MEOX2: variants seen among roughly 807,000 people sequenced by gnomAD.
MEOX2 encodes homeobox protein MOX-2.
Under a neutral mutation model 27.0 loss-of-function variants are expected in MEOX2, and 11 were observed. The ratio of observed to expected loss-of-function variants is 0.41; its 90% CI spans 0.26 to 0.68. MEOX2 has a LOEUF of 0.68. Among genes scored for constraint, MEOX2 ranks in the 30% least tolerant of loss-of-function variants. The probability of loss-of-function intolerance (pLI) is 0.33; values close to 1 mark genes in which losing one functional copy is unlikely to be tolerated. For synonymous variants in MEOX2, 189 were observed against 155.4 expected (o/e 1.22, Z -1.61); for missense variants, 436 against 385.4 (o/e 1.13, Z -1.10).
intron 1 of MEOX2, among the ~76,000 whole-genome samples, chr7:15,627,839 G>C (rs574316811): frequency 2.5e-5 from 1 of 39,334 alleles, no homozygotes; most frequent in Non-Finnish European, 5.6e-5. Context: ...CAAGTAAAAA[G>C]TAATCATACC....
intron 2 of MEOX2, 34 bp downstream of exon 2, chr7:15,626,712 A>C (rs780675798): frequency 6.5e-7 from 1 of 1,540,618 alleles, no homozygotes; most frequent in Admixed American, 1.7e-5. Context: ...AGGGCAATTA[A>C]AAAAGATCAT....
intron 1 of MEOX2, among the ~76,000 whole-genome samples, chr7:15,650,999 G>T (rs1170624726): frequency 6.6e-6 from 1 of 152,010 alleles, no homozygotes; most frequent in Non-Finnish European, 1.5e-5. Context: ...AGAGCATGCG[G>T]AATGTACTGG....
At chr7:15,645,452 C>T (rs1781626396) in intron 1 of MEOX2, among the ~76,000 whole-genome samples, 1 of 152,152 alleles carries the variant, frequency 6.6e-6, no homozygotes, top group Non-Finnish European at 1.5e-5. Flanking sequence ...AAAGTATAGA[C>T]ATGGGCTCAT....
intron 1 of MEOX2, among the ~76,000 whole-genome samples, chr7:15,660,966 T>C (rs945226441): frequency 2.6e-5 from 3 of 116,860 alleles, no homozygotes; most frequent in African/African-American, 1.0e-4. Context: ...TGAGCCGAGA[T>C]CATGCCATTG....
At chr7:15,659,893 T>A (rs1158497032) in intron 1 of MEOX2, among the ~76,000 whole-genome samples, 2 of 152,118 alleles carry the variant, frequency 1.3e-5, no homozygotes, top group East Asian at 3.8e-4. Context: ...AGTACTTGAG[T>A]AATACTCTGT....
At chr7:15,672,873 C>T (rs902697305) in intron 1 of MEOX2, among the ~76,000 whole-genome samples, 5 of 146,914 alleles carry the variant, frequency 3.4e-5, no homozygotes, top group African/African-American at 1.0e-4. Context: ...GCCTGGGCAA[C>T]AGAGCGAGAT....
chr7:15,652,132 C>T (rs1041432149), intron 1 of MEOX2, among the ~76,000 whole-genome samples: 25 of 151,990 alleles, frequency 1.6e-4, no homozygotes, highest in Admixed American at 1.6e-3. Flanking sequence ...GGCTTCTCAG[C>T]AATTAATTCA....
At chr7:15,651,022 T>C (rs1435075172) in intron 1 of MEOX2, among the ~76,000 whole-genome samples, 1 of 151,946 alleles carries the variant, frequency 6.6e-6, no homozygotes, top group African/African-American at 2.4e-5. Flanking sequence ...ACACTTACTT[T>C]CTGAAAGTGC....
intron 1 of MEOX2, among the ~76,000 whole-genome samples, chr7:15,638,102 A>G (rs915798523): frequency 1.3e-5 from 2 of 152,054 alleles, no homozygotes; most frequent in African/African-American, 4.8e-5. Flanking sequence ...GTGATCTTGA[A>G]CTTAGTAAAA....
chr7:15,644,915 G>A (rs1487264981), intron 1 of MEOX2, among the ~76,000 whole-genome samples: 5 of 152,000 alleles, frequency 3.3e-5, no homozygotes, highest in African/African-American at 7.3e-5. Flanking sequence ...AAAATTTAAC[G>A]GTCAGCTTCC....
At chr7:15,622,833 A>G (rs1468167219) in intron 2 of MEOX2, among the ~76,000 whole-genome samples, 2 of 152,158 alleles carry the variant, frequency 1.3e-5, no homozygotes, top group Admixed American at 1.3e-4. Flanking sequence ...GGCCCTTGGA[A>G]TGAGATTAGG....
At chr7:15,652,192 T>A (rs1314597045) in intron 1 of MEOX2, among the ~76,000 whole-genome samples, 1 of 152,070 alleles carries the variant, frequency 6.6e-6, no homozygotes, top group Non-Finnish European at 1.5e-5. Context: ...GTAACATGCT[T>A]TTACTGTTCA....
chr7:15,654,170 T>C (rs1190228022), intron 1 of MEOX2, among the ~76,000 whole-genome samples: 4 of 151,964 alleles, frequency 2.6e-5, no homozygotes, highest in Non-Finnish European at 5.9e-5. Context: ...CTATTGGAGC[T>C]CGAATTGTGT....
At chr7:15,666,724 C>T (rs1156712423) in intron 1 of MEOX2, among the ~76,000 whole-genome samples, 3 of 117,144 alleles carry the variant, frequency 2.6e-5, no homozygotes, top group Non-Finnish European at 3.2e-5. Context: ...TGCACTCCAG[C>T]GTGGGCAACA....
chr7:15,660,416 C>T (rs527519434), intron 1 of MEOX2, among the ~76,000 whole-genome samples: 1 of 152,194 alleles, frequency 6.6e-6, no homozygotes, highest in South Asian at 2.1e-4. Flanking sequence ...TAAATCCTGT[C>T]CACCCTACTC....
At chr7:15,615,661 G>A (rs146989611) in intron 2 of MEOX2, among the ~76,000 whole-genome samples, 1 of 151,894 alleles carries the variant, frequency 6.6e-6, no homozygotes, top group African/African-American at 2.4e-5. Flanking sequence ...TCCATTTTGT[G>A]TGAATTTGAG....
intron 1 of MEOX2, chr7:15,667,830 G>A (rs1782033685): frequency 6.6e-6 from 1 of 152,096 alleles, no homozygotes; most frequent in African/African-American, 2.4e-5. Flanking sequence ...GAAAATGTGA[G>A]GAAGTATTTA....
chr7:15,647,470 T>C (rs1377061170), intron 1 of MEOX2, among the ~76,000 whole-genome samples: 1 of 152,122 alleles, frequency 6.6e-6, no homozygotes, highest in African/African-American at 2.4e-5. Context: ...AAGAGTCTAC[T>C]TTGATGGTTC....
intron 1 of MEOX2, among the ~76,000 whole-genome samples, chr7:15,657,593 C>G (rs181386801): frequency 6.6e-6 from 1 of 152,060 alleles, no homozygotes; most frequent in African/African-American, 2.4e-5. Flanking sequence ...CTGAGATGTT[C>G]TATTTTTTCA....
Sources: allele counts gnomAD v4.1 joint callset (sites outside exome capture counted in the v4.1 genomes callset), GRCh38; gene constraint gnomAD v4.1.1; transcripts MANE v1.5; gene names NCBI Gene and HGNC (gene_info 2026-07-23, HGNC 2026-07-21).